The following PCSK2 variants were observed in gnomAD, a reference collection of about 807,000 sequenced individuals.
PCSK2 encodes the protein neuroendocrine convertase 2.
A neutral mutation model predicts 69.7 loss-of-function variants in PCSK2; 14 were observed. The observed-to-expected ratio is 0.20, with a 90% confidence interval of 0.13 to 0.31. The LOEUF (loss-of-function observed/expected upper bound fraction) is 0.31. Among genes scored for constraint, PCSK2 ranks in the 10% least tolerant of loss-of-function variants. The pLI, the probability that PCSK2 is intolerant of heterozygous loss-of-function variation, is 1.00. For missense variants in PCSK2, 544 were observed against 842.5 expected (o/e 0.65, Z 4.39); for synonymous variants, 307 against 320.7 (o/e 0.96, Z 0.46).
At chr20:17,340,167 A>G (rs2123170475) in intron 2 of PCSK2, among the ~76,000 whole-genome samples, 1 of 152,302 alleles carries the variant, frequency 6.6e-6, no homozygotes, top group African/African-American at 2.4e-5. Context: ...TTTAGAGTAA[A>G]CACACAGGCG....
At chr20:17,459,541 T>G (rs2032979109) in intron 10 of PCSK2, among the ~76,000 whole-genome samples, 1 of 152,222 alleles carries the variant, frequency 6.6e-6, no homozygotes, top group African/African-American at 2.4e-5. Flanking sequence ...CCTTGAGCAG[T>G]ATATGAGAAT....
chr20:17,239,698 T>A (rs535892200), intron 1 of PCSK2, among the ~76,000 whole-genome samples: 1 of 151,372 alleles, frequency 6.6e-6, no homozygotes, highest in Non-Finnish European at 1.5e-5. Context: ...TCAACAAACA[T>A]ATACTGAGTA....
At chr20:17,480,720 G>T (rs76315547) in intron 11 of PCSK2, among the ~76,000 whole-genome samples, 4,681 of 152,290 alleles carry the variant, frequency 0.031, 250 homozygotes, top group African/African-American at 0.11. Flanking sequence ...AGCCAATGAA[G>T]AGTGCATTAA....
intron 2 of PCSK2, among the ~76,000 whole-genome samples, chr20:17,324,536 G>T (rs1382572707): frequency 1.3e-5 from 2 of 152,026 alleles, no homozygotes; most frequent in African/African-American, 2.4e-5. Context: ...AGTAACCAAG[G>T]CCCTACCATA....
At chr20:17,334,001 A>C (rs1355387367) in intron 2 of PCSK2, among the ~76,000 whole-genome samples, 1 of 146,920 alleles carries the variant, frequency 6.8e-6, no homozygotes. Context: ...CATCTGGCCC[A>C]TTCTCTCACT....
chr20:17,302,889 C>T (rs1056076629), intron 2 of PCSK2, among the ~76,000 whole-genome samples: 15 of 152,126 alleles, frequency 9.9e-5, no homozygotes, highest in Non-Finnish European at 1.3e-4. Context: ...AGCTCCCTTC[C>T]TTGTTTTTGA....
At chr20:17,380,855 T>C (rs2031068644) in intron 5 of PCSK2, among the ~76,000 whole-genome samples, 1 of 152,234 alleles carries the variant, frequency 6.6e-6, no homozygotes, top group Non-Finnish European at 1.5e-5. Flanking sequence ...TAAGTTTTCT[T>C]TCCACTTTCC....
At chr20:17,234,313 A>T (rs1592019) in intron 1 of PCSK2, among the ~76,000 whole-genome samples, 67,458 of 152,074 alleles carry the variant, frequency 0.44, 15,873 homozygotes, top group African/African-American at 0.6. Flanking sequence ...CCTGCTGGCA[A>T]CCAACGTGCC....
intron 2 of PCSK2, among the ~76,000 whole-genome samples, chr20:17,263,955 T>C (rs1987493041): frequency 6.6e-6 from 1 of 152,196 alleles, no homozygotes; most frequent in Non-Finnish European, 1.5e-5. Flanking sequence ...GCCCAAAAGC[T>C]CTGTAAGATT....
intron 2 of PCSK2, among the ~76,000 whole-genome samples, chr20:17,284,267 C>A (rs1349242150): frequency 1.3e-5 from 2 of 152,182 alleles, no homozygotes; most frequent in African/African-American, 4.8e-5. Flanking sequence ...TTCAGCAGCA[C>A]CAGGCTTGGC....
At chr20:17,463,241 G>A (rs955769216) in intron 10 of PCSK2, among the ~76,000 whole-genome samples, 5 of 152,168 alleles carry the variant, frequency 3.3e-5, no homozygotes, top group African/African-American at 1.2e-4. Flanking sequence ...TCATGGCAAA[G>A]ATGAGAAATG....
At chr20:17,275,112 T>TATATATAC in intron 2 of PCSK2, among the ~76,000 whole-genome samples, 1 of 135,256 alleles carries the variant, frequency 7.4e-6, no homozygotes, top group South Asian at 2.4e-4. Flanking sequence ...TATATATATA[T>TATATATAC]AATGTTGGGC....
chr20:17,421,948 T>C (rs1469530460), intron 6 of PCSK2, among the ~76,000 whole-genome samples: 1 of 151,976 alleles, frequency 6.6e-6, no homozygotes, highest in Non-Finnish European at 1.5e-5. Context: ...TTGTACTATA[T>C]GAAATCGGTT....
At chr20:17,471,122 C>T (rs1362393861) in intron 11 of PCSK2, among the ~76,000 whole-genome samples, 1 of 151,994 alleles carries the variant, frequency 6.6e-6, no homozygotes, top group African/African-American at 2.4e-5. Context: ...GGGAGCACCG[C>T]GGGAGAGAAG....
chr20:17,424,649 C>T (rs372311049), intron 6 of PCSK2, among the ~76,000 whole-genome samples: 10 of 151,982 alleles, frequency 6.6e-5, no homozygotes, highest in East Asian at 1.9e-4. Flanking sequence ...CGCGCCACCA[C>T]GCCTGGCTAA....
intron 2 of PCSK2, among the ~76,000 whole-genome samples, chr20:17,278,701 C>A (rs1215434448): frequency 6.6e-6 from 1 of 151,862 alleles, no homozygotes; most frequent in Non-Finnish European, 1.5e-5. Context: ...GCACATGTAC[C>A]CTAAAACTTA....
At chr20:17,271,921 A>G (rs1249252009) in intron 2 of PCSK2, among the ~76,000 whole-genome samples, 1 of 152,102 alleles carries the variant, frequency 6.6e-6, no homozygotes, top group Non-Finnish European at 1.5e-5. Context: ...AACCTGATAG[A>G]ACACCTCTAT....
At chr20:17,327,783 TC>T in intron 2 of PCSK2, among the ~76,000 whole-genome samples, 1 of 152,314 alleles carries the variant, frequency 6.6e-6, no homozygotes, top group African/African-American at 2.4e-5. Flanking sequence ...AATCACTTTT[TC>T]CCTATTAATG....
intron 2 of PCSK2, among the ~76,000 whole-genome samples, chr20:17,353,246 AG>A (rs34685416): frequency 0.47 from 70,464 of 151,000 alleles, 17,167 homozygotes; most frequent in African/African-American, 0.6. Flanking sequence ...GCGGATCACG[AG>A]GTCAGGAGAT....
Sources: gnomAD v4.1 joint callset for allele counts (sites outside exome capture counted in the v4.1 genomes callset) on GRCh38, gnomAD v4.1.1 for gene constraint, MANE v1.5 for transcripts, NCBI Gene and HGNC (gene_info 2026-07-23, HGNC 2026-07-21) for gene names.